CHD1L: variants seen among roughly 807,000 people sequenced by gnomAD.
The protein encoded by CHD1L is ATP-dependent chromatin remodeler CHD1L.
In CHD1L, 118 loss-of-function variants were observed where a neutral mutation model predicts 115.9. The observed-to-expected ratio is 1.02, with a 90% CI of 0.88 to 1.19. The LOEUF (loss-of-function observed/expected upper bound fraction) is 1.19. CHD1L is among the 50% of genes most tolerant of loss of function. The pLI, the probability that CHD1L is intolerant of heterozygous loss-of-function variation, is 0.00. For missense variants in CHD1L, 1,179 were observed against 1,065.3 expected (o/e 1.11, Z -1.49); for synonymous variants, 411 against 387.1 (o/e 1.06, Z -0.72).
the CHD1L span, chr1:147,203,830 T>G: frequency 9.2e-3 from 14,327 of 1,561,686 alleles, 77 homozygotes; most frequent in African/African-American, 0.021. Context: ...TGATGCCATC[T>G]TCCTTTTCAT....
At chr1:147,186,676 A>T in the CHD1L span, 1 of 1,364,988 alleles carries the variant, frequency 7.3e-7, no homozygotes, top group Non-Finnish European at 9.4e-7. Flanking sequence ...CAGTCTAGGG[A>T]TTACCACAAG....
chr1:147,212,418 ACAGC>A, the CHD1L span: 2 of 1,614,096 alleles, frequency 1.2e-6, no homozygotes, highest in East Asian at 4.5e-5. Context: ...GCTAATCTCT[ACAGC>A]CAGATCCCCT....
chr1:147,204,488 A>T, the CHD1L span: 1 of 1,530,516 alleles, frequency 6.5e-7, no homozygotes, highest in Non-Finnish European at 9.0e-7. Context: ...TTTGCAGAAC[A>T]ACGTACCAAA....
At chr1:147,289,335 AT>A (rs1553968530) in intron 19 of CHD1L, among the ~76,000 whole-genome samples, 1 of 152,168 alleles carries the variant, frequency 6.6e-6, no homozygotes. Flanking sequence ...GACAGAAGGA[AT>A]TGTCAGACAA....
At chr1:147,246,828 T>C (rs1666773125) in intron 1 of CHD1L, among the ~76,000 whole-genome samples, 1 of 152,184 alleles carries the variant, frequency 6.6e-6, no homozygotes, top group Non-Finnish European at 1.5e-5. Context: ...TTTTAAATTT[T>C]GGCTAAAATT....
the CHD1L span, chr1:147,213,608 A>G: frequency 4.3e-6 from 3 of 697,544 alleles, no homozygotes; most frequent in African/African-American, 3.7e-5. Flanking sequence ...TACTCCACAA[A>G]TAAGAACTGT....
the CHD1L span, among the ~76,000 whole-genome samples, chr1:147,216,140 C>T: frequency 6.6e-6 from 1 of 152,196 alleles, no homozygotes. Context: ...CAACAGCATA[C>T]AGTTGAAATG....
rs147352958 is a variant in CHD1L at position 147,268,274 on chromosome 1, C to T, written c.989-508C>T. On this transcript the variant is annotated intron_variant, in intron 9 of 22. Coordinates refer to ENST00000369258, the MANE Select transcript of CHD1L (RefSeq NM_004284.6). ...GCTTTTTTGATTCCCTGATTGGTAACCCTTGGAGCAAGCACTCCTGTGGCC... is the reference window on the plus strand; with the variant it reads ...GCTTTTTTGATTCCCTGATTGGTAATCCTTGGAGCAAGCACTCCTGTGGCC... Among the ~76,000 whole-genome samples, 184 of 152,156 alleles carry T rather than the reference C, an allele frequency of 1.2e-3. 1 individual carries two copies. The highest frequency in any genetic ancestry group is 0.01 in the East Asian group (52 of 5,162).
chr1:147,190,688 T>C, the CHD1L span, among the ~76,000 whole-genome samples: 1 of 152,106 alleles, frequency 6.6e-6, no homozygotes, highest in South Asian at 2.1e-4. Flanking sequence ...AAATTTTTTG[T>C]TTTTATTATT....
intron 1 of CHD1L, among the ~76,000 whole-genome samples, chr1:147,247,119 G>A (rs1055641210): frequency 6.6e-6 from 1 of 152,152 alleles, no homozygotes; most frequent in Non-Finnish European, 1.5e-5. Flanking sequence ...CAAGTGTTGA[G>A]AGATTTGCCT....
intron 12 of CHD1L, among the ~76,000 whole-genome samples, chr1:147,274,727 A>G (rs1477431742): frequency 6.6e-6 from 1 of 152,084 alleles, no homozygotes. Flanking sequence ...CTCAGAGTAA[A>G]TGACAAGAGT....
chr1:147,217,843 A>G, the CHD1L span, among the ~76,000 whole-genome samples: 2 of 152,066 alleles, frequency 1.3e-5, no homozygotes, highest in Non-Finnish European at 2.9e-5. Context: ...AGACCTCCAT[A>G]ATGTTTTGTA....
At chr1:147,177,646 G>A in the CHD1L span, among the ~76,000 whole-genome samples, 6 of 152,202 alleles carry the variant, frequency 3.9e-5, no homozygotes, top group East Asian at 5.8e-4. Flanking sequence ...TTTCCTCCCC[G>A]AAACTCATTG....
intron 20 of CHD1L, among the ~76,000 whole-genome samples, 169 bp from the exon 21 acceptor site, chr1:147,293,439 A>G (rs1035447023): frequency 6.6e-6 from 1 of 152,202 alleles, no homozygotes; most frequent in African/African-American, 2.4e-5. Flanking sequence ...TTATGACGGG[A>G]TATGAAGTCA....
the CHD1L span, among the ~76,000 whole-genome samples, chr1:147,205,554 G>A: frequency 2.0e-5 from 3 of 152,134 alleles, no homozygotes; most frequent in East Asian, 5.8e-4. Context: ...ATGTCAAAGA[G>A]AGAATTATTT....
intron 3 of CHD1L, 79 bp from the exon 4 acceptor site, chr1:147,255,734 A>C: frequency 1.0e-6 from 1 of 971,260 alleles, no homozygotes; most frequent in Non-Finnish European, 1.6e-6. Flanking sequence ...TCCTCCCATG[A>C]AATGTAATTT....
the CHD1L span, among the ~76,000 whole-genome samples, chr1:147,229,533 C>T: frequency 2.6e-5 from 4 of 152,114 alleles, no homozygotes; most frequent in Admixed American, 2.0e-4. Context: ...TAGTTTTTTC[C>T]AGTTCTGTGA....
chr1:147,200,794 A>G, the CHD1L span, among the ~76,000 whole-genome samples: 4 of 152,212 alleles, frequency 2.6e-5, no homozygotes, highest in Non-Finnish European at 5.9e-5. Flanking sequence ...CTTCAGAAAT[A>G]TATGCCAGTT....
intron 9 of CHD1L, 141 bp downstream of exon 9, chr1:147,267,659 C>G (rs1372045281): frequency 3.2e-6 from 2 of 622,180 alleles, no homozygotes; most frequent in Non-Finnish European, 5.6e-6. Flanking sequence ...GGTATTAACT[C>G]ATATATTCAT....
Sources: allele counts gnomAD v4.1 joint callset (sites outside exome capture counted in the v4.1 genomes callset), GRCh38; gene constraint gnomAD v4.1.1; transcripts MANE v1.5; gene names NCBI Gene and HGNC (gene_info 2026-07-23, HGNC 2026-07-21).